ROBO1: variants seen among roughly 807,000 people sequenced by gnomAD.
ROBO1 encodes roundabout homolog 1.
A neutral mutation model predicts 195.9 loss-of-function variants in ROBO1; 149 were observed. That is an observed-to-expected ratio of 0.76 (90% CI 0.67 to 0.87). ROBO1 has a LOEUF of 0.87. ROBO1 is among the 40% of genes least tolerant of loss of function. The pLI is 0.00. For missense variants in ROBO1, 1,933 were observed against 2,068.3 expected, an observed-to-expected ratio of 0.93 and a Z score of 1.27; for synonymous variants, 816 against 733.2, an observed-to-expected ratio of 1.11 and a Z score of -1.82.
intron 2 of ROBO1, among the ~76,000 whole-genome samples, chr3:79,209,849 T>C (rs992788320): frequency 6.6e-6 from 1 of 152,076 alleles, no homozygotes; most frequent in Non-Finnish European, 1.5e-5. Flanking sequence ...AGTTTCAGGA[T>C]ACAAAATCAA....
chr3:79,107,125 T>A (rs868374509), intron 3 of ROBO1, among the ~76,000 whole-genome samples: 60 of 136,526 alleles, frequency 4.4e-4, no homozygotes, highest in South Asian at 3.1e-3. Context: ...TCTCTCTCTC[T>A]CTCACACACA....
At chr3:79,191,153 C>G (rs2081532739) in intron 2 of ROBO1, among the ~76,000 whole-genome samples, 1 of 151,510 alleles carries the variant, frequency 6.6e-6, no homozygotes, top group South Asian at 2.1e-4. Flanking sequence ...TTTTACTTAT[C>G]TTTACTGAAG....
intron 2 of ROBO1, among the ~76,000 whole-genome samples, chr3:79,498,384 T>G (rs1939864823): frequency 6.6e-6 from 1 of 152,188 alleles, no homozygotes; most frequent in African/African-American, 2.4e-5. Flanking sequence ...TATTATAAAT[T>G]CAACAGTTTG....
intron 2 of ROBO1, among the ~76,000 whole-genome samples, chr3:79,484,245 T>C (rs115028157): frequency 1.2e-3 from 182 of 152,276 alleles, no homozygotes; most frequent in African/African-American, 4.1e-3. Flanking sequence ...TGCTAGACTG[T>C]ACATTTCTCT....
intron 2 of ROBO1, among the ~76,000 whole-genome samples, chr3:79,168,497 C>T (rs2081110081): frequency 6.6e-6 from 1 of 152,102 alleles, no homozygotes; most frequent in Non-Finnish European, 1.5e-5. Context: ...TTCCACTAAA[C>T]CCTAATATCA....
chr3:78,869,668 G>C (rs1221662764), intron 4 of ROBO1, among the ~76,000 whole-genome samples: 2 of 151,844 alleles, frequency 1.3e-5, no homozygotes, highest in African/African-American at 4.8e-5. Flanking sequence ...TATGTTGTCA[G>C]GGCTGGTGTC....
chr3:79,647,767 A>T (rs1263957990), intron 1 of ROBO1, among the ~76,000 whole-genome samples: 2 of 152,226 alleles, frequency 1.3e-5, no homozygotes, highest in East Asian at 3.9e-4. Context: ...TGAGCTAATG[A>T]GATACAGCAG....
At chr3:79,371,609 C>T (rs555886207) in intron 2 of ROBO1, among the ~76,000 whole-genome samples, 2 of 152,024 alleles carry the variant, frequency 1.3e-5, no homozygotes, top group Non-Finnish European at 2.9e-5. Context: ...AAAAATGGTT[C>T]TTGAAGGAAT....
At position 78,781,102 on chromosome 3, in the gene ROBO1, T is replaced by C. The variant is rs114732615; in HGVS notation, c.500-34202A>G. 9.3e-3 allele frequency among the ~76,000 whole-genome samples: 1,422 copies of C among 152,286 alleles called. 24 individuals are homozygous for C. The highest frequency in any genetic ancestry group is 0.032 in the African/African-American group (1,321 of 41,558). ...TACAAACGGATTTCAGCAATATCAC[T>C]ACTCTAAAACAACAATGACAACAAA... is the stretch of plus-strand genomic sequence containing the variant. On this transcript the variant is annotated intron_variant, in intron 4 of 30. Coordinates refer to ENST00000464233, the MANE Select transcript of ROBO1 (RefSeq NM_002941.4).
intron 2 of ROBO1, among the ~76,000 whole-genome samples, chr3:79,254,574 T>C (rs1231868132): frequency 1.3e-5 from 2 of 152,056 alleles, no homozygotes; most frequent in East Asian, 1.9e-4. Context: ...CTAATAAAGA[T>C]AATACCTGGC....
At chr3:79,676,281 G>A (rs1476258101) in intron 1 of ROBO1, among the ~76,000 whole-genome samples, 3 of 152,010 alleles carry the variant, frequency 2.0e-5, no homozygotes, top group Admixed American at 1.3e-4. Flanking sequence ...GAGAATTAAT[G>A]AAACTAATAC....
At chr3:79,295,380 A>AT (rs1272513556) in intron 2 of ROBO1, among the ~76,000 whole-genome samples, 1 of 152,214 alleles carries the variant, frequency 6.6e-6, no homozygotes, top group East Asian at 1.9e-4. Flanking sequence ...GTTGTCACTC[A>AT]TAAGTGGGAG....
intron 3 of ROBO1, among the ~76,000 whole-genome samples, chr3:79,058,900 T>C (rs1321282010): frequency 6.6e-6 from 1 of 152,070 alleles, no homozygotes; most frequent in African/African-American, 2.4e-5. Flanking sequence ...CTAAATACAG[T>C]CACTCCAATG....
At chr3:79,711,066 G>T (rs543672546) in intron 1 of ROBO1, among the ~76,000 whole-genome samples, 14 of 152,146 alleles carry the variant, frequency 9.2e-5, no homozygotes, top group African/African-American at 2.2e-4. Context: ...ATTTACTTAT[G>T]AAAAGTTGAA....
At chr3:78,981,691 T>C (rs1320694270) in intron 3 of ROBO1, among the ~76,000 whole-genome samples, 1 of 151,924 alleles carries the variant, frequency 6.6e-6, no homozygotes, top group Admixed American at 6.6e-5. Flanking sequence ...TGAGCACTTT[T>C]GGATTAAAAT....
chr3:79,120,442 A>C (rs1041655875), intron 3 of ROBO1, among the ~76,000 whole-genome samples: 1 of 152,210 alleles, frequency 6.6e-6, no homozygotes, highest in African/African-American at 2.4e-5. Context: ...GAATATCACA[A>C]GCACATCCTA....
intron 2 of ROBO1, among the ~76,000 whole-genome samples, chr3:79,386,192 T>C (rs1553731432): frequency 6.6e-6 from 1 of 151,916 alleles, no homozygotes; most frequent in South Asian, 2.1e-4. Flanking sequence ...TGATTTAAAC[T>C]AAAAAAACAA....
chr3:78,697,073 C>CAT (rs1177590528), intron 8 of ROBO1, among the ~76,000 whole-genome samples: 1 of 150,254 alleles, frequency 6.7e-6, no homozygotes, highest in African/African-American at 2.4e-5. Context: ...CACACACACA[C>CAT]AGCCACTACC....
intron 2 of ROBO1, among the ~76,000 whole-genome samples, chr3:79,244,005 C>A (rs976083730): frequency 6.6e-6 from 1 of 151,896 alleles, no homozygotes; most frequent in Non-Finnish European, 1.5e-5. Context: ...ATTAATTTTT[C>A]TATAAGGTGT....
Sources: gnomAD v4.1 joint callset for allele counts (sites outside exome capture counted in the v4.1 genomes callset) on GRCh38, gnomAD v4.1.1 for gene constraint, MANE v1.5 for transcripts, NCBI Gene and HGNC (gene_info 2026-07-23, HGNC 2026-07-21) for gene names.